The following MED23 variants were observed in gnomAD, a reference collection of about 807,000 sequenced individuals.
MED23 encodes mediator of RNA polymerase II transcription subunit 23.
A neutral mutation model predicts 163.9 loss-of-function variants in MED23; 105 were observed. The ratio of observed to expected loss-of-function variants is 0.64; its 90% CI spans 0.55 to 0.75. The LOEUF is 0.75. Among genes scored for constraint, MED23 ranks in the 30% least tolerant of loss-of-function variants. MED23 has a pLI of 0.00. For missense variants in MED23, 1,054 were observed against 1,649.0 expected, an observed-to-expected ratio of 0.64 and a Z score of 6.25; for synonymous variants, 561 against 565.6, an observed-to-expected ratio of 0.99 and a Z score of 0.12.
chr6:131,583,415 A>G, downstream of MED23: 1 of 1,614,190 alleles, frequency 6.2e-7, no homozygotes. Flanking sequence ...CTTTCACACC[A>G]GCTACTGGCA....
At chr6:131,589,360 T>A (rs911668486) in intron 28 of MED23, 105 bp downstream of exon 28, 1 of 1,149,564 alleles carries the variant, frequency 8.7e-7, no homozygotes, top group Admixed American at 2.3e-5. Context: ...AAAGAAAAAA[T>A]TAGACAAAAT....
chr6:131,583,327 A>C, downstream of MED23: 3 of 1,614,124 alleles, frequency 1.9e-6, no homozygotes, highest in Non-Finnish European at 2.5e-6. Flanking sequence ...TCAACCTTAA[A>C]CTGAAATCCT....
intron 22 of MED23, among the ~76,000 whole-genome samples, 179 bp downstream of exon 22, chr6:131,595,768 A>T (rs539308787): frequency 6.6e-6 from 1 of 152,276 alleles, no homozygotes; most frequent in South Asian, 2.1e-4. Flanking sequence ...ACTTTTGTTT[A>T]TATTTTTATG....
At chr6:131,591,772 A>G (rs1774655881) in intron 25 of MED23, 1 of 525,866 alleles carries the variant, frequency 1.9e-6, no homozygotes, top group South Asian at 2.6e-5. Context: ...TACACTATGC[A>G]GTAAATCAAT....
rs75099431 is a variant in MED23 at position 131,617,369 on chromosome 6, A to C, written c.780+1038T>G. 4.0e-4 allele frequency among the ~76,000 whole-genome samples: 60 copies of C among 151,422 alleles called. No individual in the cohort carries two copies. The East Asian group carries it at 0.012, about 29-fold the overall frequency. ...TGGACGGATAGATAGAAAAAAAAAA[A>C]CACTTCATATACCGATTTTTAAGAT... On this transcript the variant is annotated intron_variant, in intron 9 of 28. Transcript: ENST00000368068.
At chr6:131,609,967 C>T (rs187340711) in intron 11 of MED23, 79 bp downstream of exon 11, 179 of 1,348,520 alleles carry the variant, frequency 1.3e-4, no homozygotes, top group Non-Finnish European at 1.2e-4. Context: ...GTTCTAAAAT[C>T]ACTAGGGAAT....
intron 20 of MED23, among the ~76,000 whole-genome samples, 176 bp from the exon 21 acceptor site, chr6:131,596,864 C>T (rs544119415): frequency 1.7e-4 from 26 of 152,298 alleles, no homozygotes; most frequent in Middle Eastern, 3.4e-3. Context: ...ACCTTTCTTG[C>T]CTATTTCTGG....
chr6:131,624,899 C>G lies in MED23; in HGVS notation c.250G>C (p.Ala84Pro). The change falls in exon 4 of 29, where the codon GCA becomes CCA. Residue 84 changes from alanine (A) to proline (P), a missense_variant. Transcript: ENST00000368068. ...KRISFLYDCL[A>P]MAVETGLLPP... is the part of the protein sequence containing the mutation. ...AGGAGACCAGTCTCAACTGCCATTG[C>G]TAAGCAGTCATAAAGAAAAGAAATT... 1 of 1,613,868 alleles carries G rather than the reference C, an allele frequency of 6.2e-7. No homozygotes were observed. The highest frequency in any genetic ancestry group is 8.5e-7 in the Non-Finnish European group (1 of 1,179,942).
At chr6:131,627,528 G>GT (rs762886417) in intron 2 of MED23, 45 bp from the exon 3 acceptor site, 322 of 1,592,128 alleles carry the variant, frequency 2.0e-4, no homozygotes, top group Non-Finnish European at 2.7e-4. Flanking sequence ...TTTTAAAAAG[G>GT]TAATTACACA....
intron 18 of MED23, among the ~76,000 whole-genome samples, chr6:131,599,117 G>A (rs1562379929): frequency 6.6e-6 from 1 of 152,172 alleles, no homozygotes. Context: ...CATTGCACTA[G>A]CCCAGTGATT....
chr6:131,627,989 G>A, intron 1 of MED23, 22 bp downstream of exon 1: 1 of 1,613,902 alleles, frequency 6.2e-7, no homozygotes, highest in Non-Finnish European at 8.5e-7. Context: ...CGTAGTCCTG[G>A]ATGGCCGGCA....
At chr6:131,620,801 A>AT (rs1585564085) in intron 6 of MED23, 72 bp from the exon 7 acceptor site, 16 of 884,732 alleles carry the variant, frequency 1.8e-5, no homozygotes, top group East Asian at 1.7e-4. Context: ...ATTTATTATC[A>AT]TTATTTTTTT....
In MED23 at chr6:131,607,916, A is replaced by G; in HGVS notation, c.1221+12T>C. The stretch of plus-strand genomic sequence containing the variant: ...ATCATGTTGTTATGAATAGTTACTC[A>G]GTAAAGCTTACTTCTTTTTCTGGGT... On this transcript the variant is annotated intron_variant, in intron 12 of 28. Coordinates refer to ENST00000368068, the MANE Select transcript of MED23 (RefSeq NM_004830.4). 1 of 1,613,450 alleles carries G rather than the reference A, an allele frequency of 6.2e-7. No individual in the cohort carries two copies. Among genetic ancestry groups the G allele is most frequent in the Non-Finnish European group, 8.5e-7 (1 of 1,179,590 alleles).
downstream of MED23, chr6:131,583,732 G>A (rs2114550847): frequency 1.2e-6 from 2 of 1,612,548 alleles, no homozygotes; most frequent in East Asian, 2.2e-5. Context: ...ATTACAATTT[G>A]TTGTTGTAGG....
In MED23 at chr6:131,592,567, CTAATCCA is replaced by C. The variant is rs1329601000; in HGVS notation, c.3399-114_3399-108del. The C allele has an allele frequency of 4.6e-5, 43 of 943,092 alleles. No individual in the cohort carries two copies. The South Asian group carries it at 5.7e-4, about 12-fold the overall frequency. 58.4% of individuals were successfully genotyped at this position (943,092 alleles called of 1,614,324 possible). ...TATGTCTAATTCAGAGGATCGACAA[CTAATCCA>C]TTTCAATAAAACAATGGGGAATTTT... On this transcript the variant is annotated intron_variant, in intron 24 of 28. Transcript: ENST00000368068.
chr6:131,588,902 G>A (rs1269080716), intron 28 of MED23, among the ~76,000 whole-genome samples: 2 of 152,134 alleles, frequency 1.3e-5, no homozygotes, highest in Non-Finnish European at 1.5e-5. Context: ...GACACAGAAC[G>A]AATCTAATAC....
At chr6:131,583,438 G>A (rs777467993), downstream of MED23, 2 of 1,614,104 alleles carry the variant, frequency 1.2e-6, no homozygotes, top group Non-Finnish European at 1.7e-6. Context: ...CCAGTCGTGG[G>A]AGGTCTGACA....
Position 131,623,476 on chromosome 6 carries a change from A to T in MED23, c.285-14T>A. 1 of 1,604,480 alleles carries T rather than the reference A, an allele frequency of 6.2e-7. No individual in the cohort carries two copies. Among genetic ancestry groups the T allele is most frequent in the Non-Finnish European group, 8.5e-7 (1 of 1,171,260 alleles). On this transcript the variant is annotated splice_polypyrimidine_tract_variant and intron_variant, in intron 4 of 28. Coordinates refer to ENST00000368068, the MANE Select transcript of MED23 (RefSeq NM_004830.4). ...TCACAAACCAGCCTATAAAAAAAGA[A>T]ATAGCCATTCCAGTTACAAGACAGA...
In MED23 at chr6:131,598,623, G is replaced by C; in HGVS notation, c.2359C>G (p.Pro787Ala). The C allele has an allele frequency of 6.2e-7, 1 of 1,614,118 alleles. No homozygotes were observed. The highest frequency in any genetic ancestry group is 8.5e-7 in the Non-Finnish European group (1 of 1,180,008). ...TTCCAGAGAAGACAAAGAAAGAGAG[G>C]AGGGGAGCCCTGCATAGAGAAGTGG... ...ITHFSMQGSPPLFLCLLWKML... is the reference protein window; with the variant it reads ...ITHFSMQGSPALFLCLLWKML... The change falls in exon 19 of 29, where the codon CCT (proline) becomes GCT (alanine). Residue 787 changes from proline (P) to alanine (A), a missense_variant. Transcript: ENST00000368068. The surrounding 1 kb of genome is among the most constrained non-coding windows in gnomAD (Gnocchi z 4.7).
Sources: gnomAD v4.1 joint callset for allele counts (sites outside exome capture counted in the v4.1 genomes callset) on GRCh38, gnomAD v4.1.1 for gene constraint, Gnocchi (gnomAD v3.1) non-coding constraint, MANE v1.5 for transcripts, NCBI Gene and HGNC (gene_info 2026-07-23, HGNC 2026-07-21) for gene names.